The following DGKI variants were observed in gnomAD, a reference collection of about 807,000 sequenced individuals.
DGKI encodes DAG kinase iota.
A neutral mutation model predicts 147.5 loss-of-function variants in DGKI; 55 were observed. The observed-to-expected ratio is 0.37, with a 90% confidence interval of 0.30 to 0.47. The LOEUF (loss-of-function observed/expected upper bound fraction) is 0.47. Among genes scored for constraint, DGKI ranks in the 20% least tolerant of loss-of-function variants. The pLI is 1.00. For synonymous variants in DGKI, 469 were observed against 477.1 expected (o/e 0.98, Z 0.22); for missense variants, 1,007 against 1,323.8 (o/e 0.76, Z 3.71).
At chr7:137,459,240 T>C (rs1178318830) in intron 27 of DGKI, among the ~76,000 whole-genome samples, 2 of 152,104 alleles carry the variant, frequency 1.3e-5, no homozygotes, top group African/African-American at 2.4e-5. Context: ...TAAGGGACTA[T>C]TTTAAATTTT....
intron 29 of DGKI, among the ~76,000 whole-genome samples, chr7:137,410,241 T>C (rs1812112076): frequency 6.6e-6 from 1 of 151,814 alleles, no homozygotes; most frequent in Non-Finnish European, 1.5e-5. Context: ...CCGTCTCAAG[T>C]AAAAATACAA....
intron 3 of DGKI, among the ~76,000 whole-genome samples, chr7:137,670,109 G>T (rs914709882): frequency 2.0e-5 from 3 of 152,118 alleles, no homozygotes; most frequent in African/African-American, 4.8e-5. Context: ...AAAATTTATG[G>T]TCATGAGCTC....
chr7:137,406,653 A>G (rs147603279), intron 30 of DGKI, among the ~76,000 whole-genome samples: 7 of 152,340 alleles, frequency 4.6e-5, no homozygotes, highest in African/African-American at 1.7e-4. Flanking sequence ...GGATGTGTTT[A>G]CTATAAACAA....
intron 3 of DGKI, among the ~76,000 whole-genome samples, chr7:137,671,271 T>A (rs2116349968): frequency 6.6e-6 from 1 of 152,326 alleles, no homozygotes; most frequent in Middle Eastern, 3.4e-3. Context: ...TGATGAGGCT[T>A]CTGATTCACC....
chr7:137,435,953 T>C (rs1195952505), intron 28 of DGKI, among the ~76,000 whole-genome samples: 1 of 152,150 alleles, frequency 6.6e-6, no homozygotes, highest in East Asian at 1.9e-4. Flanking sequence ...CTTATTTTTG[T>C]ATTTTTAGCA....
At chr7:137,418,308 G>C (rs755623742) in intron 28 of DGKI, among the ~76,000 whole-genome samples, 2 of 152,136 alleles carry the variant, frequency 1.3e-5, no homozygotes, top group Non-Finnish European at 2.9e-5. Flanking sequence ...TAAGCTCAAG[G>C]TACAGAGAAC....
chr7:137,512,891 T>C (rs1463170334), intron 21 of DGKI, among the ~76,000 whole-genome samples: 1 of 152,056 alleles, frequency 6.6e-6, no homozygotes, highest in Non-Finnish European at 1.5e-5. Flanking sequence ...ATTCCCCGGG[T>C]ATCAGAGTCC....
intron 5 of DGKI, among the ~76,000 whole-genome samples, chr7:137,654,306 C>T (rs1239076392): frequency 1.3e-5 from 2 of 152,176 alleles, no homozygotes; most frequent in African/African-American, 4.8e-5. Context: ...CTCCAGGGCT[C>T]ATAGGAATAA....
chr7:137,592,795 C>T (rs1237453074), intron 12 of DGKI, among the ~76,000 whole-genome samples: 3 of 152,156 alleles, frequency 2.0e-5, no homozygotes, highest in African/African-American at 7.2e-5. Context: ...TGTATGTTTG[C>T]ACTTAATAAA....
At chr7:137,422,850 C>T (rs1389448201) in intron 28 of DGKI, among the ~76,000 whole-genome samples, 6 of 152,022 alleles carry the variant, frequency 3.9e-5, no homozygotes, top group African/African-American at 1.4e-4. Flanking sequence ...GTGATCCACC[C>T]GCCTCAGCCT....
At chr7:137,635,788 AC>A (rs1821288469) in intron 6 of DGKI, among the ~76,000 whole-genome samples, 1 of 152,258 alleles carries the variant, frequency 6.6e-6, no homozygotes, top group South Asian at 2.1e-4. Context: ...TGTCTCCATG[AC>A]AAAATACAGA....
chr7:137,540,418 A>T (rs1817648979), intron 20 of DGKI, among the ~76,000 whole-genome samples: 1 of 152,200 alleles, frequency 6.6e-6, no homozygotes, highest in Non-Finnish European at 1.5e-5. Flanking sequence ...ATTCACAGAC[A>T]TGCTGGACTA....
At chr7:137,686,255 A>T (rs2116434899) in intron 2 of DGKI, among the ~76,000 whole-genome samples, 1 of 152,350 alleles carries the variant, frequency 6.6e-6, no homozygotes, top group South Asian at 2.1e-4. Context: ...AAAGATGAGC[A>T]TGGCTTGGCA....
chr7:137,516,649 C>T (rs573383289), intron 21 of DGKI, among the ~76,000 whole-genome samples: 64 of 151,678 alleles, frequency 4.2e-4, no homozygotes, highest in Admixed American at 1.3e-3. Flanking sequence ...TAAAGGTACA[C>T]TGAATAAATT....
chr7:137,808,267 A>C (rs1032866107), intron 1 of DGKI, among the ~76,000 whole-genome samples: 2 of 152,270 alleles, frequency 1.3e-5, no homozygotes, highest in African/African-American at 4.8e-5. Context: ...GGAAATTAGT[A>C]TATAAATGAG....
intron 20 of DGKI, among the ~76,000 whole-genome samples, chr7:137,533,626 C>T (rs997975588): frequency 2.6e-5 from 4 of 152,014 alleles, no homozygotes; most frequent in African/African-American, 4.8e-5. Flanking sequence ...AGCCAAATGA[C>T]ATAATCACGT....
chr7:137,493,965 T>TG, intron 21 of DGKI: 1 of 549,702 alleles, frequency 1.8e-6, no homozygotes, highest in Non-Finnish European at 3.2e-6. Flanking sequence ...AAAGATGAAA[T>TG]GACCATTTTA....
In DGKI at chr7:137,604,033, A is replaced by C. The variant is rs77697432; in HGVS notation, c.1168-4128T>G. The stretch of plus-strand genomic sequence containing the variant: ...TATGCATCGCTCTGGCTACAGACTA[A>C]GGAACCAGACCTATCACAGGAGCTA... On this transcript the variant is annotated intron_variant, in intron 10 of 32. Coordinates refer to ENST00000614521, the MANE Select transcript of DGKI (RefSeq NM_001321708.2). Among the ~76,000 whole-genome samples the C allele has an allele frequency of 8.8e-3, 1,345 of 152,266 alleles. 25 individuals carry two copies. Among genetic ancestry groups the C allele is most frequent in the African/African-American group, 0.031 (1,277 of 41,546 alleles).
intron 1 of DGKI, among the ~76,000 whole-genome samples, chr7:137,730,241 T>C (rs1397396941): frequency 6.6e-6 from 1 of 152,112 alleles, no homozygotes; most frequent in Admixed American, 6.6e-5. Context: ...AACAACCAGA[T>C]CACAGTCTGT....
Sources: gnomAD v4.1 joint callset for allele counts (sites outside exome capture counted in the v4.1 genomes callset) on GRCh38, gnomAD v4.1.1 for gene constraint, MANE v1.5 for transcripts, NCBI Gene and HGNC (gene_info 2026-07-23, HGNC 2026-07-21) for gene names.